The following CFAP299 variants were observed in gnomAD, a reference collection of about 807,000 sequenced individuals.
CFAP299 encodes cilia and flagella associated protein 299, also known as cilia- and flagella-associated protein 299.
In CFAP299, 21 loss-of-function variants were observed where a neutral mutation model predicts 27.0. The ratio of observed to expected loss-of-function variants is 0.78; its 90% confidence interval spans 0.55 to 1.12. The LOEUF (loss-of-function observed/expected upper bound fraction) is 1.12. Ranked by LOEUF, CFAP299 falls within the 50% of genes most tolerant of loss-of-function variation. CFAP299 has a pLI of 0.00. For synonymous variants in CFAP299, 104 were observed against 98.1 expected (o/e 1.06, Z -0.36); for missense variants, 310 against 276.6 (o/e 1.12, Z -0.86).
intron 3 of CFAP299, among the ~76,000 whole-genome samples, chr4:80,862,080 A>G (rs997537352): frequency 1.3e-5 from 2 of 152,200 alleles, no homozygotes; most frequent in African/African-American, 4.8e-5. Context: ...TTCAAAATAA[A>G]GCCATTTAGT....
intron 3 of CFAP299, among the ~76,000 whole-genome samples, chr4:80,607,215 T>C (rs191293158): frequency 6.6e-6 from 1 of 152,274 alleles, no homozygotes; most frequent in Admixed American, 6.5e-5. Flanking sequence ...AAATAGAATA[T>C]TAAATAATAT....
intron 4 of CFAP299, among the ~76,000 whole-genome samples, chr4:80,931,514 G>A (rs1560481842): frequency 6.6e-6 from 1 of 152,100 alleles, no homozygotes; most frequent in Non-Finnish European, 1.5e-5. Context: ...CAAACTTGAA[G>A]CAGGCCATGT....
intron 2 of CFAP299, among the ~76,000 whole-genome samples, chr4:80,569,545 T>C (rs1328526534): frequency 2.0e-5 from 3 of 152,008 alleles, no homozygotes; most frequent in African/African-American, 7.2e-5. Flanking sequence ...ATGAGGAAAT[T>C]AAAATCTGCA....
chr4:80,551,847 A>G (rs1734531420), intron 2 of CFAP299, among the ~76,000 whole-genome samples: 1 of 151,926 alleles, frequency 6.6e-6, no homozygotes, highest in African/African-American at 2.4e-5. Flanking sequence ...TCCCAGGTTC[A>G]AGTGATTTTT....
intron 2 of CFAP299, among the ~76,000 whole-genome samples, chr4:80,482,624 A>C (rs1328797557): frequency 6.6e-6 from 1 of 152,140 alleles, no homozygotes; most frequent in Non-Finnish European, 1.5e-5. Context: ...ATGGAATAAT[A>C]TTAGCTGGTA....
chr4:80,852,164 G>T (rs890257204), intron 3 of CFAP299, among the ~76,000 whole-genome samples: 4 of 151,586 alleles, frequency 2.6e-5, no homozygotes, highest in Non-Finnish European at 5.9e-5. Flanking sequence ...ATTCTTTCTT[G>T]CCCTGTTCCA....
intron 2 of CFAP299, among the ~76,000 whole-genome samples, chr4:80,509,055 C>A (rs542988939): frequency 1.3e-5 from 2 of 152,256 alleles, no homozygotes; most frequent in African/African-American, 4.8e-5. Flanking sequence ...AACTTCCTGA[C>A]CCCAGATGTT....
intron 2 of CFAP299, among the ~76,000 whole-genome samples, chr4:80,479,660 A>G (rs1730456833): frequency 6.6e-6 from 1 of 152,042 alleles, no homozygotes; most frequent in Non-Finnish European, 1.5e-5. Flanking sequence ...TTCAAATAAT[A>G]AAGAACATTG....
chr4:80,640,817 G>A (rs1739688613), intron 3 of CFAP299, among the ~76,000 whole-genome samples: 1 of 152,108 alleles, frequency 6.6e-6, no homozygotes, highest in South Asian at 2.1e-4. Context: ...GTTCCCCTGG[G>A]TATAGAAAGT....
At chr4:80,855,384 CTTA>C (rs1280526924) in intron 3 of CFAP299, among the ~76,000 whole-genome samples, 3 of 151,452 alleles carry the variant, frequency 2.0e-5, no homozygotes, top group African/African-American at 4.8e-5. Context: ...TCTTTTTTAT[CTTA>C]TTTTCTTTTT....
intron 2 of CFAP299, among the ~76,000 whole-genome samples, chr4:80,375,697 G>A (rs1425980399): frequency 6.6e-6 from 1 of 152,222 alleles, no homozygotes; most frequent in Non-Finnish European, 1.5e-5. Context: ...ATGCCCATGG[G>A]CAAAGTCTCT....
At chr4:80,508,316 T>C (rs538807093) in intron 2 of CFAP299, among the ~76,000 whole-genome samples, 51 of 152,334 alleles carry the variant, frequency 3.3e-4, no homozygotes, top group Non-Finnish European at 6.3e-4. Context: ...TTTTCTATAA[T>C]GTGGTGGAAA....
chr4:80,703,461 G>A (rs1721635081), intron 3 of CFAP299, among the ~76,000 whole-genome samples: 1 of 151,674 alleles, frequency 6.6e-6, no homozygotes, highest in African/African-American at 2.4e-5. Context: ...AAAGGCAGAA[G>A]TGTACAGTAA....
chr4:80,825,623 A>G (rs1729942498), intron 3 of CFAP299, among the ~76,000 whole-genome samples: 2 of 151,972 alleles, frequency 1.3e-5, no homozygotes, highest in South Asian at 4.1e-4. Context: ...AAAAAAGTCA[A>G]CCAAGAATCC....
chr4:80,649,781 T>C (rs1740196992), intron 3 of CFAP299, among the ~76,000 whole-genome samples: 1 of 152,130 alleles, frequency 6.6e-6, no homozygotes, highest in African/African-American at 2.4e-5. Context: ...TTGTTTGTTA[T>C]TAAAAAGACA....
rs181178025 is a variant in CFAP299 at position 80,732,896 on chromosome 4, G to A, written c.334-137097G>A. ...GAGTAGTGAAAATAAATTTAGCAGT[G>A]TTTTCTAACTCTTGATGATATAAGC... On this transcript the variant is annotated intron_variant, in intron 3 of 5. Coordinates refer to ENST00000358105, the MANE Select transcript of CFAP299 (RefSeq NM_152770.3). Among the ~76,000 whole-genome samples, 701 of 152,124 alleles carry A rather than the reference G, an allele frequency of 4.6e-3. 4 individuals are homozygous for A. The highest frequency in any genetic ancestry group is 0.021 in the Middle Eastern group (6 of 292).
intron 2 of CFAP299, chr4:80,420,211 C>T (rs757083971): frequency 4.4e-6 from 2 of 455,878 alleles, no homozygotes; most frequent in South Asian, 1.5e-5. Context: ...CGGACTTTTA[C>T]AGGTGTCAGA....
At chr4:80,833,740 A>G (rs942047605) in intron 3 of CFAP299, among the ~76,000 whole-genome samples, 3 of 152,226 alleles carry the variant, frequency 2.0e-5, no homozygotes, top group African/African-American at 7.2e-5. Context: ...TCTGCACAGA[A>G]AGCTGTCTAC....
chr4:80,806,535 T>C (rs1294591767), intron 3 of CFAP299, among the ~76,000 whole-genome samples: 1 of 152,216 alleles, frequency 6.6e-6, no homozygotes, highest in Non-Finnish European at 1.5e-5. Flanking sequence ...GATAAATCAC[T>C]AGAGGTACAT....
Sources: gnomAD v4.1 joint callset for allele counts (sites outside exome capture counted in the v4.1 genomes callset) on GRCh38, gnomAD v4.1.1 for gene constraint, MANE v1.5 for transcripts, NCBI Gene and HGNC (gene_info 2026-07-23, HGNC 2026-07-21) for gene names.